DRD2: variants seen among roughly 807,000 people sequenced by gnomAD.
DRD2 encodes D(2) dopamine receptor.
DRD2 carries 8 observed loss-of-function variants against 38.0 expected under a neutral mutation model. That is an observed-to-expected ratio of 0.21 (90% confidence interval 0.12 to 0.38). DRD2 has a LOEUF of 0.38. Among genes scored for constraint, DRD2 ranks in the 10% least tolerant of loss-of-function variants. DRD2 has a pLI of 1.00. For missense variants in DRD2, 403 were observed against 607.7 expected (o/e 0.66, Z 3.54); for synonymous variants, 230 against 238.6 (o/e 0.96, Z 0.33).
chr11:113,434,897 C>G (rs964741897), intron 1 of DRD2, among the ~76,000 whole-genome samples: 1 of 152,046 alleles, frequency 6.6e-6, no homozygotes, highest in South Asian at 2.1e-4. Flanking sequence ...CAGGGGGAGG[C>G]TGGAGCACGC....
chr11:113,424,507 C>T lies in DRD2; in HGVS notation c.145G>A (p.Val49Ile), dbSNP rs139923738. The T allele has an allele frequency of 1.3e-5, 21 of 1,614,126 alleles. No homozygotes were observed. Among genetic ancestry groups the T allele is most frequent in the African/African-American group, 2.7e-5 (2 of 74,938 alleles). ...TLLTLLIAVI[V>I]FGNVLVCMAV... The stretch of plus-strand genomic sequence containing the variant: ...ATGCACACCAGCACGTTGCCGAAGA[C>T]GATGACAGCGATGAGCAGGGTGAGC... Residue 49 changes from valine to isoleucine, a missense_variant, in exon 2 of 8, where the codon GTC becomes ATC. Physicochemically the swap from Val to Ile is conservative, Grantham distance 29 (BLOSUM62 3). Coordinates refer to ENST00000362072, the MANE Select transcript of DRD2 (RefSeq NM_000795.4).
chr11:113,453,519 G>A (rs368112086), intron 1 of DRD2, among the ~76,000 whole-genome samples: 2 of 152,082 alleles, frequency 1.3e-5, no homozygotes, highest in South Asian at 4.1e-4. Flanking sequence ...TCTCTGTCTT[G>A]GATTTGTTAG....
chr11:113,429,797 C>T (rs147678857), intron 1 of DRD2, among the ~76,000 whole-genome samples: 9 of 152,318 alleles, frequency 5.9e-5, no homozygotes, highest in Non-Finnish European at 1.3e-4. Flanking sequence ...CCCAACTCTA[C>T]CATTTACTAA....
chr11:113,470,368 G>A (rs1046205640), intron 1 of DRD2, among the ~76,000 whole-genome samples: 6 of 152,180 alleles, frequency 3.9e-5, no homozygotes, highest in Non-Finnish European at 7.3e-5. Context: ...CACAGCTGCA[G>A]TTCTGTGCTG....
chr11:113,471,297 A>G (rs1488985091), intron 1 of DRD2, among the ~76,000 whole-genome samples: 1 of 152,246 alleles, frequency 6.6e-6, no homozygotes, highest in East Asian at 1.9e-4. Context: ...TATTAATATT[A>G]GATTCCAACA....
chr11:113,427,010 T>G (rs964674381), intron 1 of DRD2, among the ~76,000 whole-genome samples: 12 of 152,212 alleles, frequency 7.9e-5, no homozygotes, highest in African/African-American at 2.9e-4. Flanking sequence ...TGAGGCACAC[T>G]TACTGCCCCC....
At chr11:113,415,329 G>C (rs1347970632) in intron 5 of DRD2, 92 bp downstream of exon 5, 2 of 1,483,774 alleles carry the variant, frequency 1.3e-6, no homozygotes, top group Non-Finnish European at 1.8e-6. Context: ...CCCTTGCTGA[G>C]GTTTCCCAAG....
At chr11:113,427,295 T>C (rs191747145) in intron 1 of DRD2, among the ~76,000 whole-genome samples, 564 of 152,260 alleles carry the variant, frequency 3.7e-3, no homozygotes, top group South Asian at 7.1e-3. Flanking sequence ...TTCCAGTCCC[T>C]ATGCATCCTT....
intron 1 of DRD2, among the ~76,000 whole-genome samples, chr11:113,469,524 G>A (rs143784901): frequency 2.4e-4 from 37 of 152,256 alleles, no homozygotes; most frequent in Admixed American, 6.5e-4. Context: ...CACATGAAAC[G>A]TGTGACCTTG....
intron 1 of DRD2, among the ~76,000 whole-genome samples, chr11:113,465,390 T>G (rs569480897): frequency 6.7e-6 from 1 of 149,292 alleles, no homozygotes; most frequent in Admixed American, 6.8e-5. Flanking sequence ...CCACCATGCC[T>G]GGCCAGTTTT....
chr11:113,410,634 C>T lies in DRD2; in HGVS notation c.*93G>A, dbSNP rs1950759807. On this transcript the variant is annotated 3_prime_UTR_variant, in exon 8 of 8. Transcript: ENST00000362072. ...CCGGGGTGAAGAGGAGGCCGATCCA[C>T]CCAGGCCTTCCTGCTCACGGTTCGC... 6 of 1,533,796 alleles carry T rather than the reference C, an allele frequency of 3.9e-6. No homozygotes were observed. Among genetic ancestry groups the T allele is most frequent in the South Asian group, 1.1e-5 (1 of 88,934 alleles).
intron 1 of DRD2, among the ~76,000 whole-genome samples, chr11:113,464,171 A>G (rs1474224782): frequency 6.6e-6 from 1 of 152,148 alleles, no homozygotes; most frequent in Non-Finnish European, 1.5e-5. Flanking sequence ...ATGGAGAGGA[A>G]TGGGTTCCAT....
At chr11:113,441,584 C>T (rs1414212608) in intron 1 of DRD2, among the ~76,000 whole-genome samples, 4 of 152,198 alleles carry the variant, frequency 2.6e-5, no homozygotes, top group African/African-American at 9.7e-5. Context: ...ATGGCAACAA[C>T]AAGCTGGGGT....
At chr11:113,426,377 A>G (rs980879484) in intron 1 of DRD2, among the ~76,000 whole-genome samples, 2 of 152,200 alleles carry the variant, frequency 1.3e-5, no homozygotes, top group African/African-American at 4.8e-5. Flanking sequence ...ACTGAAGCAT[A>G]ATGCATGGAT....
chr11:113,469,111 C>A (rs1259340815), intron 1 of DRD2, among the ~76,000 whole-genome samples: 1 of 152,076 alleles, frequency 6.6e-6, no homozygotes, highest in Non-Finnish European at 1.5e-5. Context: ...AAGAGCTTGA[C>A]AAAACATCCG....
chr11:113,435,864 AG>A (rs1951031203), intron 1 of DRD2, among the ~76,000 whole-genome samples: 1 of 152,224 alleles, frequency 6.6e-6, no homozygotes, highest in South Asian at 2.1e-4. Context: ...TGCTCTTGAA[AG>A]TCAATTGGGA....
intron 1 of DRD2, among the ~76,000 whole-genome samples, chr11:113,436,062 C>T (rs1951032809): frequency 6.6e-6 from 1 of 152,224 alleles, no homozygotes; most frequent in African/African-American, 2.4e-5. Flanking sequence ...CCACGTTTCT[C>T]ATCCTTCGGC....
At chr11:113,416,317 G>GTGT (rs1268808834) in intron 4 of DRD2, among the ~76,000 whole-genome samples, 1 of 152,186 alleles carries the variant, frequency 6.6e-6, no homozygotes, top group African/African-American at 2.4e-5. Flanking sequence ...CGGGGGCTTT[G>GTGT]TGTTGCCTCT....
intron 1 of DRD2, among the ~76,000 whole-genome samples, chr11:113,454,580 G>C (rs376775588): frequency 3.9e-5 from 6 of 152,060 alleles, no homozygotes; most frequent in African/African-American, 1.4e-4. Context: ...ACTTCGTCCT[G>C]GCTGAAGGGC....
Sources: gnomAD v4.1 joint callset for allele counts (sites outside exome capture counted in the v4.1 genomes callset) on GRCh38, gnomAD v4.1.1 for gene constraint, MANE v1.5 for transcripts, NCBI Gene and HGNC (gene_info 2026-07-23, HGNC 2026-07-21) for gene names.